RABEP1: variants seen among roughly 807,000 people sequenced by gnomAD.
The protein encoded by RABEP1 is rab GTPase-binding effector protein 1.
RABEP1 carries 51 observed loss-of-function variants against 123.4 expected under a neutral mutation model. The ratio of observed to expected loss-of-function variants is 0.41; its 90% CI spans 0.33 to 0.52. The LOEUF is 0.52. Among genes scored for constraint, RABEP1 ranks in the 20% least tolerant of loss-of-function variants. RABEP1 has a pLI of 0.16. For synonymous variants in RABEP1, 347 were observed against 355.2 expected (o/e 0.98, Z 0.26); for missense variants, 888 against 996.3 (o/e 0.89, Z 1.46).
intron 17 of RABEP1, among the ~76,000 whole-genome samples, 193 bp from the exon 18 acceptor site, chr17:5,382,929 C>G (rs536100081): frequency 5.5e-5 from 8 of 144,924 alleles, no homozygotes; most frequent in Admixed American, 6.7e-5. Flanking sequence ...ACTCTCCCCC[C>G]CAAAAAAAAA....
Position 5,383,263 on chromosome 17 carries a change from T to TAACTC in RABEP1, c.*42_*46dup. ...GATTCTAGCCTGCACTTTGGGTTTT[T>TAACTC]AACTCATCTTTAGAGCAACAGTAAT... On this transcript the variant is annotated 3_prime_UTR_variant, in exon 18 of 18. Transcript: ENST00000537505. 2 of 1,491,782 alleles carry TAACTC rather than the reference T, an allele frequency of 1.3e-6. No homozygotes were observed. Among genetic ancestry groups the TAACTC allele is most frequent in the Non-Finnish European group, 1.9e-6 (2 of 1,069,094 alleles). The allele number at this position is 1,491,782 out of a possible 1,614,324, so 92.4% of individuals were successfully genotyped here.
At chr17:5,366,844 C>G (rs1271412486) in intron 11 of RABEP1, among the ~76,000 whole-genome samples, 1 of 151,578 alleles carries the variant, frequency 6.6e-6, no homozygotes, top group Non-Finnish European at 1.5e-5. Flanking sequence ...AATCCCAGCA[C>G]TTTGGGAGGC....
At chr17:5,336,561 A>G (rs1302275470) in intron 4 of RABEP1, 1 of 418,408 alleles carries the variant, frequency 2.4e-6, no homozygotes, top group Admixed American at 3.4e-5. Context: ...AGTTTCTCAG[A>G]TTTTTCTTGT....
chr17:5,383,058 C>T (rs1911627088), intron 17 of RABEP1, 64 bp from the exon 18 acceptor site: 6 of 1,337,586 alleles, frequency 4.5e-6, no homozygotes, highest in Admixed American at 3.4e-5. Context: ...CTCAGCTAAA[C>T]CAGTCAAAGT....
chr17:5,336,123 T>G (rs1907060578), intron 4 of RABEP1, among the ~76,000 whole-genome samples: 1 of 152,238 alleles, frequency 6.6e-6, no homozygotes, highest in Non-Finnish European at 1.5e-5. Context: ...TTACATTATT[T>G]TATATGCATA....
At chr17:5,322,748 G>A (rs1488610913) in intron 2 of RABEP1, among the ~76,000 whole-genome samples, 3 of 152,226 alleles carry the variant, frequency 2.0e-5, no homozygotes. Context: ...ATAAAGAAAT[G>A]TGATACATCA....
chr17:5,359,114 C>A (rs867448371), intron 8 of RABEP1, among the ~76,000 whole-genome samples: 1 of 150,492 alleles, frequency 6.6e-6, no homozygotes, highest in Non-Finnish European at 1.5e-5. Context: ...CGCTCTGTTG[C>A]CCAGGCTGGA....
intron 8 of RABEP1, among the ~76,000 whole-genome samples, chr17:5,359,315 C>T (rs1485137100): frequency 3.3e-5 from 5 of 152,142 alleles, no homozygotes; most frequent in African/African-American, 9.7e-5. Context: ...ACCTTGTGAT[C>T]TGCCCGCCTC....
chr17:5,308,106 A>G (rs115993580), intron 1 of RABEP1, among the ~76,000 whole-genome samples: 4,468 of 152,308 alleles, frequency 0.029, 75 homozygotes, highest in Middle Eastern at 0.065. Context: ...ATTCAGTTGC[A>G]CAAAGGCACT....
At chr17:5,328,679 G>A (rs1236669712) in intron 2 of RABEP1, among the ~76,000 whole-genome samples, 3 of 138,962 alleles carry the variant, frequency 2.2e-5, no homozygotes, top group South Asian at 2.5e-4. Context: ...AAAGCCGGGC[G>A]CAGTGGCTCA....
intron 2 of RABEP1, among the ~76,000 whole-genome samples, chr17:5,319,369 TA>T (rs200193281): frequency 0.17 from 24,879 of 147,964 alleles, 2,223 homozygotes; most frequent in Middle Eastern, 0.22. Context: ...AAAACATATA[TA>T]TTTTTTTCCT....
chr17:5,378,908 C>T (rs1348843865), intron 15 of RABEP1, among the ~76,000 whole-genome samples: 1 of 152,178 alleles, frequency 6.6e-6, no homozygotes, highest in African/African-American at 2.4e-5. Context: ...TTCCCTTCAT[C>T]TCCCACCACA....
intron 1 of RABEP1, among the ~76,000 whole-genome samples, chr17:5,288,071 T>C (rs1037525473): frequency 6.6e-6 from 1 of 152,042 alleles, no homozygotes; most frequent in Non-Finnish European, 1.5e-5. Flanking sequence ...CAAAAGAAAC[T>C]GAGTAGTCAA....
intron 11 of RABEP1, among the ~76,000 whole-genome samples, chr17:5,365,454 G>T (rs560470351): frequency 6.6e-6 from 1 of 152,014 alleles, no homozygotes; most frequent in African/African-American, 2.4e-5. Context: ...ATGCCAGGAG[G>T]TTCTGATTCT....
intron 4 of RABEP1, among the ~76,000 whole-genome samples, chr17:5,336,113 T>C (rs1301157243): frequency 6.6e-6 from 1 of 152,226 alleles, no homozygotes; most frequent in East Asian, 1.9e-4. Flanking sequence ...AAATAAACTT[T>C]TACATTATTT....
chr17:5,373,443 G>C lies in RABEP1; in HGVS notation c.2014G>C (p.Asp672His). 1 of 1,610,228 alleles carries C rather than the reference G, an allele frequency of 6.2e-7. No homozygotes were observed. Among genetic ancestry groups the C allele is most frequent in the Non-Finnish European group, 8.5e-7 (1 of 1,178,870 alleles). Residue 672 changes from aspartate to histidine, a missense_variant, in exon 13 of 18, where the codon GAC (aspartate) becomes CAC (histidine). Physicochemically the swap from Asp to His is moderately conservative, Grantham distance 81. Coordinates refer to ENST00000537505, the MANE Select transcript of RABEP1 (RefSeq NM_004703.6). Reference protein sequence around the residue: ...LQQAEDFILPDTTEALRELVL... With the variant: ...LQQAEDFILPHTTEALRELVL... ...GCAAGCAGAAGACTTCATCCTCCCA[G>C]ACACTACAGAGGTAACTTACTTTCC...
intron 8 of RABEP1, among the ~76,000 whole-genome samples, chr17:5,360,412 A>C (rs556798388): frequency 1.3e-5 from 2 of 152,286 alleles, no homozygotes; most frequent in South Asian, 4.1e-4. Flanking sequence ...AATAGAAAAC[A>C]TTAGCCGGGC....
At chr17:5,283,168 T>A (rs1050687535) in intron 1 of RABEP1, among the ~76,000 whole-genome samples, 1 of 152,162 alleles carries the variant, frequency 6.6e-6, no homozygotes, top group Non-Finnish European at 1.5e-5. Flanking sequence ...TTCATGCCTT[T>A]ATATTTTATC....
At chr17:5,382,046 G>A (rs973544529) in intron 17 of RABEP1, among the ~76,000 whole-genome samples, 3 of 151,032 alleles carry the variant, frequency 2.0e-5, no homozygotes, top group African/African-American at 4.9e-5. Context: ...TTAGAATATT[G>A]TGCTAAAACT....
Sources: allele counts gnomAD v4.1 joint callset (sites outside exome capture counted in the v4.1 genomes callset), GRCh38; gene constraint gnomAD v4.1.1; transcripts MANE v1.5; gene names NCBI Gene and HGNC (gene_info 2026-07-23, HGNC 2026-07-21).